Variants in TRMT9B observed in about 807,000 individuals in gnomAD.
TRMT9B encodes tRNA methyltransferase 9B (putative), also known as probable tRNA methyltransferase 9B.
Under a neutral mutation model 11.5 loss-of-function variants are expected in TRMT9B, and 16 were observed. That is an observed-to-expected ratio of 1.39 (90% confidence interval 0.94 to 2.11). The LOEUF (loss-of-function observed/expected upper bound fraction) is 2.11. TRMT9B is among the 30% of genes most tolerant of loss of function. TRMT9B has a pLI of 0.00. For missense variants in TRMT9B, 941 were observed against 553.8 expected, an observed-to-expected ratio of 1.70 and a Z score of -7.02; for synonymous variants, 274 against 192.4, an observed-to-expected ratio of 1.42 and a Z score of -3.51.
At chr8:12,977,739 G>T (rs966398448) in intron 1 of TRMT9B, among the ~76,000 whole-genome samples, 1 of 152,030 alleles carries the variant, frequency 6.6e-6, no homozygotes, top group African/African-American at 2.4e-5. Context: ...TTGCAGCTGG[G>T]TGCAGTGGCT....
At chr8:12,966,564 T>A (rs1303541149) in intron 1 of TRMT9B, among the ~76,000 whole-genome samples, 1 of 152,248 alleles carries the variant, frequency 6.6e-6, no homozygotes, top group Non-Finnish European at 1.5e-5. Flanking sequence ...ATTTCCATGA[T>A]AATACAGCTA....
At chr8:13,020,510 C>T (rs919999100) in intron 4 of TRMT9B, among the ~76,000 whole-genome samples, 2 of 152,148 alleles carry the variant, frequency 1.3e-5, no homozygotes, top group African/African-American at 4.8e-5. Context: ...TTTGCATTAT[C>T]TAGACAGAGA....
chr8:12,985,909 T>G (rs1806215016), intron 1 of TRMT9B, among the ~76,000 whole-genome samples: 1 of 152,042 alleles, frequency 6.6e-6, no homozygotes, highest in African/African-American at 2.4e-5. Context: ...CACCCAGGCT[T>G]GAGTGCTGTG....
In TRMT9B at chr8:13,003,678, C is replaced by G. The variant is rs563111962; in HGVS notation, c.-1-2524C>G. On this transcript the variant is annotated intron_variant, in intron 2 of 4. Transcript: ENST00000524591. ...AGCCAGCTGAACCCAATGGGACAAG[C>G]TATAAAATGCCTCTGAAGAAGTTGA... Among the ~76,000 whole-genome samples, 3 of 151,358 alleles carry G rather than the reference C, an allele frequency of 2.0e-5. 1 individual carries two copies. Among genetic ancestry groups the G allele is most frequent in the African/African-American group, 7.3e-5 (3 of 41,284 alleles).
In TRMT9B at chr8:13,022,154, T is replaced by C; in HGVS notation, c.*110T>C. 1.3e-6 allele frequency: 1 copy of C among 793,094 alleles called. No homozygotes were observed. Among genetic ancestry groups the C allele is most frequent in the Non-Finnish European group, 2.0e-6 (1 of 505,738 alleles). The allele number at this position is 793,094 out of a possible 1,614,324, so 49.1% of individuals were successfully genotyped here. ...TGTTATTTGTTAATCCATTTACGCT[T>C]TGGTCTGCAGAGACTATTAATTATT... On this transcript the variant is annotated 3_prime_UTR_variant, in exon 5 of 5. Transcript: ENST00000524591.
At chr8:13,017,507 A>G (rs563070707) in intron 4 of TRMT9B, among the ~76,000 whole-genome samples, 1 of 152,162 alleles carries the variant, frequency 6.6e-6, no homozygotes, top group South Asian at 2.1e-4. Flanking sequence ...TCGGATAAAT[A>G]TATTCTCACT....
chr8:12,967,556 G>A (rs546570937), intron 1 of TRMT9B, among the ~76,000 whole-genome samples: 2 of 152,316 alleles, frequency 1.3e-5, no homozygotes, highest in East Asian at 1.9e-4. Context: ...TCTTCAATTA[G>A]ATTGTTTTTA....
intron 1 of TRMT9B, chr8:12,951,723 CG>C: frequency 6.6e-6 from 1 of 151,892 alleles, no homozygotes; most frequent in Non-Finnish European, 1.5e-5. Context: ...GGGACGGTGA[CG>C]GGGGCGGGGG....
intron 2 of TRMT9B, among the ~76,000 whole-genome samples, chr8:12,995,880 A>G (rs1808248673): frequency 6.6e-6 from 1 of 152,222 alleles, no homozygotes. Context: ...GCACATATAA[A>G]GAGCCACATA....
chr8:12,990,849 C>T lies in TRMT9B; in HGVS notation c.-184C>T. ...TTCCTGATAGGGCCTGTGCTTCCTT[C>T]AGAGACTCACACAAGAGGTTTATCA... is the stretch of plus-strand genomic sequence containing the variant. On this transcript the variant is annotated 5_prime_UTR_variant, in exon 2 of 5. Transcript: ENST00000524591. 1.6e-6 allele frequency: 2 copies of T among 1,289,356 alleles called. No homozygotes were observed. Among genetic ancestry groups the T allele is most frequent in the Non-Finnish European group, 2.0e-6 (2 of 988,446 alleles). The allele number at this position is 1,289,356 out of a possible 1,614,324, so 79.9% of individuals were successfully genotyped here.
At chr8:12,989,973 C>A (rs1563371785) in intron 1 of TRMT9B, among the ~76,000 whole-genome samples, 1 of 152,144 alleles carries the variant, frequency 6.6e-6, no homozygotes, top group Non-Finnish European at 1.5e-5. Context: ...ACATCCAGAT[C>A]ATTGATTCTT....
intron 1 of TRMT9B, among the ~76,000 whole-genome samples, chr8:12,975,996 A>T (rs1009448977): frequency 1.3e-5 from 2 of 152,212 alleles, no homozygotes; most frequent in Non-Finnish European, 2.9e-5. Flanking sequence ...ATTACAAGCA[A>T]CAGAAACTGA....
intron 4 of TRMT9B, among the ~76,000 whole-genome samples, chr8:13,015,378 G>T (rs1372594949): frequency 6.6e-6 from 1 of 152,020 alleles, no homozygotes; most frequent in Non-Finnish European, 1.5e-5. Flanking sequence ...CGTAAAGTGA[G>T]ACCAATTTTT....
At chr8:12,946,480 C>T (rs750593809) in intron 1 of TRMT9B, among the ~76,000 whole-genome samples, 5 of 152,058 alleles carry the variant, frequency 3.3e-5, no homozygotes, top group Middle Eastern at 6.8e-3. Context: ...ACTGGGAGGA[C>T]GGAGATTGTA....
intron 2 of TRMT9B, among the ~76,000 whole-genome samples, chr8:13,001,366 G>C (rs1370430129): frequency 6.6e-6 from 1 of 152,162 alleles, no homozygotes; most frequent in Non-Finnish European, 1.5e-5. Flanking sequence ...TCAGAAGCAG[G>C]TTCTCTTGGA....
intron 1 of TRMT9B, among the ~76,000 whole-genome samples, chr8:12,976,338 G>C (rs574702136): frequency 3.3e-5 from 5 of 151,140 alleles, no homozygotes; most frequent in Non-Finnish European, 7.4e-5. Flanking sequence ...GACATGGTAG[G>C]ATTAGTAATA....
chr8:12,989,270 A>G (rs979708163), intron 1 of TRMT9B, among the ~76,000 whole-genome samples: 2 of 152,214 alleles, frequency 1.3e-5, no homozygotes, highest in Non-Finnish European at 2.9e-5. Context: ...AATATGACTG[A>G]TTTAATAAAA....
At chr8:12,947,930 A>G (rs910619963) in intron 1 of TRMT9B, among the ~76,000 whole-genome samples, 25 of 152,238 alleles carry the variant, frequency 1.6e-4, no homozygotes, top group Admixed American at 1.3e-4. Context: ...TAAGGCAGGC[A>G]TTCAAGGAAT....
At chr8:13,002,088 A>G (rs1306373428) in intron 2 of TRMT9B, among the ~76,000 whole-genome samples, 1 of 152,238 alleles carries the variant, frequency 6.6e-6, no homozygotes, top group Non-Finnish European at 1.5e-5. Context: ...AAATAGATTT[A>G]TATTACTTAT....
Sources: allele counts gnomAD v4.1 joint callset (sites outside exome capture counted in the v4.1 genomes callset), GRCh38; gene constraint gnomAD v4.1.1; transcripts MANE v1.5; gene names NCBI Gene and HGNC (gene_info 2026-07-23, HGNC 2026-07-21).